The following GPR107 variants were observed in gnomAD, a reference collection of about 807,000 sequenced individuals.
The protein encoded by GPR107 is protein GPR107.
In GPR107, 31 loss-of-function variants were observed where a neutral mutation model predicts 75.5. The ratio of observed to expected loss-of-function variants is 0.41; its 90% CI spans 0.31 to 0.55. GPR107 has a LOEUF of 0.55. Among genes scored for constraint, GPR107 ranks in the 20% least tolerant of loss-of-function variants. The probability of loss-of-function intolerance (pLI) is 0.26; values close to 1 mark genes in which losing one functional copy is unlikely to be tolerated. For synonymous variants in GPR107, 267 were observed against 251.3 expected (o/e 1.06, Z -0.59); for missense variants, 572 against 665.7 (o/e 0.86, Z 1.55).
At position 130,134,222 on chromosome 9, in the gene GPR107, T is replaced by C. The variant is rs372781162; in HGVS notation, c.1563-803T>C. On this transcript the variant is annotated intron_variant, in intron 17 of 17. Coordinates refer to ENST00000347136, the MANE Select transcript of GPR107 (RefSeq NM_020960.5). ...CTCACAGAGCCACCCAGTTCCCTCA[T>C]AGACCAGCTCACCTTCTGTGAGGCA... Among the ~76,000 whole-genome samples the C allele has an allele frequency of 1.4e-3, 216 of 152,326 alleles. 1 individual carries two copies. Among genetic ancestry groups the C allele is most frequent in the African/African-American group, 5.1e-3 (210 of 41,574 alleles).
At chr9:130,082,309 G>A (rs892113748) in intron 5 of GPR107, among the ~76,000 whole-genome samples, 3 of 152,122 alleles carry the variant, frequency 2.0e-5, no homozygotes. Flanking sequence ...CAGAAAGACT[G>A]CATTTGTGCA....
intron 12 of GPR107, among the ~76,000 whole-genome samples, chr9:130,102,179 A>AGTGGCATAGCT (rs1326042425): frequency 6.6e-6 from 1 of 151,976 alleles, no homozygotes; most frequent in Non-Finnish European, 1.5e-5. Context: ...TGACAGAGGC[A>AGTGGCATAGCT]GTAAATACAC....
chr9:130,121,898 C>CT (rs33915679), intron 14 of GPR107, among the ~76,000 whole-genome samples: 35,371 of 150,818 alleles, frequency 0.23, 4,215 homozygotes, highest in Non-Finnish European at 0.28. Context: ...ATTTTATTTT[C>CT]TTTTTTTTTT....
intron 9 of GPR107, among the ~76,000 whole-genome samples, chr9:130,095,457 C>T (rs1203776076): frequency 2.6e-5 from 4 of 152,010 alleles, no homozygotes; most frequent in African/African-American, 7.3e-5. Context: ...TGCAGTGGTG[C>T]AATCTTGGCT....
At position 130,092,317 on chromosome 9, in the gene GPR107, A is replaced by G; in HGVS notation, c.799A>G (p.Ile267Val). ...AGAAATTCCTCTCCCCAAATTATAC[A>G]TCTCAATGGCCTTTTTCTTCTTTCT... ...AGEIPLPKLY[I>V]SMAFFFFLSG... is the part of the protein sequence containing the mutation. The change falls in exon 9 of 18, where the codon ATC becomes GTC. Residue 267 changes from isoleucine to valine, a missense_variant. Ile to Val is a conservative substitution (Grantham distance 29, BLOSUM62 3). Coordinates refer to ENST00000347136, the MANE Select transcript of GPR107 (RefSeq NM_020960.5). The G allele has an allele frequency of 1.2e-6, 2 of 1,600,568 alleles. No homozygotes were observed. The highest frequency in any genetic ancestry group is 2.2e-5 in the South Asian group (2 of 90,762).
At chr9:130,076,624 C>G (rs923092140) in intron 3 of GPR107, among the ~76,000 whole-genome samples, 162 bp downstream of exon 3, 3 of 152,090 alleles carry the variant, frequency 2.0e-5, no homozygotes, top group African/African-American at 7.2e-5. Flanking sequence ...AAGCGATCCT[C>G]CCGCCTCAGT....
intron 1 of GPR107, among the ~76,000 whole-genome samples, chr9:130,071,859 A>G (rs1046322074): frequency 6.6e-6 from 1 of 151,638 alleles, no homozygotes; most frequent in Non-Finnish European, 1.5e-5. Context: ...TTATTTTTGT[A>G]CTTTTAGTAG....
chr9:130,090,972 T>G lies in GPR107; in HGVS notation c.718T>G (p.Phe240Val). 1 of 1,426,950 alleles carries G rather than the reference T, an allele frequency of 7.0e-7. No individual in the cohort carries two copies. Among genetic ancestry groups the G allele is most frequent in the Non-Finnish European group, 9.9e-7 (1 of 1,011,508 alleles). 88.4% of individuals were successfully genotyped at this position (1,426,950 alleles called of 1,614,324 possible). Residue 240 changes from phenylalanine (F) to valine (V), a missense_variant, in exon 8 of 18, where the codon TTC becomes GTC. Coordinates refer to ENST00000347136, the MANE Select transcript of GPR107 (RefSeq NM_020960.5). ...GKELPSDKFT[F>V]SLDIEITEKN... ...AGAATTGCCAAGTGACAAGTTTACA[T>G]TCAGCCTTGATGTGAGTACTGTTTG...
In GPR107 at chr9:130,100,658, C is replaced by T. The variant is rs997959424; in HGVS notation, c.969C>T (p.Gly323=). The change falls in exon 11 of 18, where the codon GGC becomes GGT. Residue 323 remains glycine (G), a synonymous_variant. Coordinates refer to ENST00000347136, the MANE Select transcript of GPR107 (RefSeq NM_020960.5). ...AIDYHYISSQ[G]FPIEGWAVVY... ...ACTACCACTACATCTCCTCCCAGGG[C>T]TTCCCTATCGAAGGCTGGGCTGTTG... is the stretch of plus-strand genomic sequence containing the variant. 1 of 1,613,160 alleles carries T rather than the reference C, an allele frequency of 6.2e-7. No individual in the cohort carries two copies.
At chr9:130,077,500 C>G (rs1169248405) in intron 4 of GPR107, 122 bp downstream of exon 4, 1 of 656,782 alleles carries the variant, frequency 1.5e-6, no homozygotes, top group East Asian at 2.7e-5. Flanking sequence ...GCTGGAGATT[C>G]AAGACAAGGC....
At chr9:130,111,019 T>A (rs1400008453) in intron 14 of GPR107, among the ~76,000 whole-genome samples, 1 of 152,106 alleles carries the variant, frequency 6.6e-6, no homozygotes, top group African/African-American at 2.4e-5. Flanking sequence ...TTCTTTTTTT[T>A]AATTTAAAAT....
intron 4 of GPR107, among the ~76,000 whole-genome samples, 164 bp from the exon 5 acceptor site, chr9:130,079,466 G>A (rs1309616039): frequency 6.6e-6 from 1 of 152,218 alleles, no homozygotes; most frequent in Non-Finnish European, 1.5e-5. Flanking sequence ...GTTATTTAAC[G>A]TTTCTGAGCC....
At chr9:130,101,583 A>G (rs1285199685) in intron 12 of GPR107, among the ~76,000 whole-genome samples, 1 of 151,902 alleles carries the variant, frequency 6.6e-6, no homozygotes, top group East Asian at 1.9e-4. Flanking sequence ...TTTTATTAAC[A>G]AAGTATTTTA....
chr9:130,081,716 T>C (rs1258849921), intron 5 of GPR107, among the ~76,000 whole-genome samples: 2 of 147,680 alleles, frequency 1.4e-5, no homozygotes, highest in African/African-American at 5.0e-5. Flanking sequence ...ATTAGCCGGA[T>C]GTGGTGGCAT....
chr9:130,071,038 T>TTTC (rs1554891204), intron 1 of GPR107, among the ~76,000 whole-genome samples: 23 of 137,752 alleles, frequency 1.7e-4, no homozygotes, highest in Middle Eastern at 3.7e-3. Flanking sequence ...TTTTTTTCTT[T>TTTC]TTTTTTTTTT....
At position 130,100,990 on chromosome 9, in the gene GPR107, T is replaced by C. The variant is rs187753953; in HGVS notation, c.1014-116T>C. On this transcript the variant is annotated intron_variant, in intron 11 of 17. Transcript: ENST00000347136. The stretch of plus-strand genomic sequence containing the variant: ...CTCATGTATGATGGATTTCCTAAAT[T>C]TGGCTGCCCGTCTTTTGTAAGAAGC... 4.0e-5 allele frequency: 29 copies of C among 726,668 alleles called. No homozygotes were observed. The East Asian group carries it at 7.1e-4, about 18-fold the overall frequency. 45.0% of individuals were successfully genotyped at this position (726,668 alleles called of 1,614,324 possible). A position where few individuals can be genotyped will look rare whatever the true frequency, so the allele number is the denominator to read the frequency against.
rs181105833 is a variant in GPR107 at position 130,077,076 on chromosome 9, C to T, written c.307-223C>T. 1.4e-3 allele frequency among the ~76,000 whole-genome samples: 210 copies of T among 151,944 alleles called. 3 individuals are homozygous for T. The East Asian group carries it at 0.034, about 24-fold the overall frequency. On this transcript the variant is annotated intron_variant, in intron 3 of 17. Transcript: ENST00000347136. ...CTAATTTTTGTATTTTTAGTAGAGA[C>T]GTGGTTTCACCATGTTGGCCAGGAT... is the stretch of plus-strand genomic sequence containing the variant.
chr9:130,126,539 G>A (rs1400368975), intron 15 of GPR107, among the ~76,000 whole-genome samples: 3 of 151,938 alleles, frequency 2.0e-5, no homozygotes, highest in African/African-American at 4.8e-5. Flanking sequence ...TAGTAGAGAC[G>A]GGTTTTCTCC....
rs958357766 is a variant in GPR107 at position 130,136,723 on chromosome 9, G to A, written c.*1602G>A. ...CTTCCTAAATGACTAATGAGGAAGC[G>A]GGTGTTCTTTTTCTGCACTTTGATT... On this transcript the variant is annotated 3_prime_UTR_variant, in exon 18 of 18. Transcript: ENST00000347136. The A allele has an allele frequency of 2.6e-5, 4 of 152,294 alleles. No individual in the cohort carries two copies. Among genetic ancestry groups the A allele is most frequent in the Admixed American group, 6.5e-5 (1 of 15,284 alleles). The allele number at this position is 152,294 out of a possible 1,614,324, so 9.4% of individuals were successfully genotyped here. A position where few individuals can be genotyped will look rare whatever the true frequency, so the allele number is the denominator to read the frequency against.
Sources: gnomAD v4.1 joint callset for allele counts (sites outside exome capture counted in the v4.1 genomes callset) on GRCh38, gnomAD v4.1.1 for gene constraint, MANE v1.5 for transcripts, NCBI Gene and HGNC (gene_info 2026-07-23, HGNC 2026-07-21) for gene names.